The following ROBO1 variants were observed in gnomAD, a reference collection of about 807,000 sequenced individuals.
ROBO1 encodes roundabout homolog 1.
In ROBO1, 149 loss-of-function variants were observed where a neutral mutation model predicts 195.9. That is an observed-to-expected ratio of 0.76 (90% CI 0.67 to 0.87). The LOEUF is 0.87. Ranked by LOEUF, ROBO1 falls within the 40% of genes least tolerant of loss-of-function variation. The probability of loss-of-function intolerance (pLI) is 0.00; values close to 1 mark genes in which losing one functional copy is unlikely to be tolerated. For missense variants in ROBO1, 1,933 were observed against 2,068.3 expected (o/e 0.93, Z 1.27); for synonymous variants, 816 against 733.2 (o/e 1.11, Z -1.82).
intron 4 of ROBO1, among the ~76,000 whole-genome samples, chr3:78,875,883 A>G (rs2107197966): frequency 1.3e-5 from 2 of 152,246 alleles, no homozygotes; most frequent in East Asian, 3.9e-4. Context: ...AATCTGTACA[A>G]TTTAAAATCT....
rs191267954 is a variant in ROBO1 at position 79,156,081 on chromosome 3, G to A, written c.89-30542C>T. 2.9e-4 allele frequency among the ~76,000 whole-genome samples: 44 copies of A among 151,740 alleles called. No individual in the cohort carries two copies. In the East Asian group the frequency reaches 7.8e-3, roughly 27 times the overall value. On this transcript the variant is annotated intron_variant, in intron 2 of 30. Transcript: ENST00000464233. Reference sequence around the variant, plus strand: ...GGTCGTTCACTCCTAAACACCCTTAGTCCTAGCCATGCTATTCATACTTCA... The same window carrying A: ...GGTCGTTCACTCCTAAACACCCTTAATCCTAGCCATGCTATTCATACTTCA...
chr3:79,510,407 C>A (rs1407651376), intron 2 of ROBO1, among the ~76,000 whole-genome samples: 1 of 152,160 alleles, frequency 6.6e-6, no homozygotes, highest in African/African-American at 2.4e-5. Context: ...TCAATTAAAC[C>A]TCTGTTCTTT....
At chr3:79,051,855 C>G (rs1048304671) in intron 3 of ROBO1, among the ~76,000 whole-genome samples, 1 of 152,146 alleles carries the variant, frequency 6.6e-6, no homozygotes, top group African/African-American at 2.4e-5. Flanking sequence ...CTTCCCCAAT[C>G]AATACTCTTA....
chr3:79,271,554 T>C (rs890693648), intron 2 of ROBO1, among the ~76,000 whole-genome samples: 2 of 152,056 alleles, frequency 1.3e-5, no homozygotes, highest in African/African-American at 4.8e-5. Flanking sequence ...TTTAGCCATA[T>C]GCTTTCTTCC....
intron 2 of ROBO1, among the ~76,000 whole-genome samples, chr3:79,287,639 C>T (rs754317040): frequency 2.6e-5 from 4 of 152,062 alleles, no homozygotes; most frequent in Admixed American, 2.0e-4. Context: ...TCCATATTAA[C>T]GTATATTATT....
intron 4 of ROBO1, among the ~76,000 whole-genome samples, chr3:78,794,291 C>G (rs529940899): frequency 6.6e-6 from 1 of 152,206 alleles, no homozygotes; most frequent in South Asian, 2.1e-4. Flanking sequence ...CATTGGATTA[C>G]TATGAGAATC....
At position 79,677,413 on chromosome 3, in the gene ROBO1, G is replaced by A. The variant is rs1266862677; in HGVS notation, c.-50-87452C>T. On this transcript the variant is annotated intron_variant, in intron 1 of 30. Transcript: ENST00000464233. ...GGGAAGCCTCACAATCATGGTGGAA[G>A]GCAAGGAGGAGAAAGGCACATCGTA... Among the ~76,000 whole-genome samples, 3 of 152,066 alleles carry A rather than the reference G, an allele frequency of 2.0e-5. No individual in the cohort carries two copies. In the South Asian group the frequency reaches 6.2e-4, roughly 32 times the overall value.
At chr3:79,473,514 GAAAT>G (rs1938392884) in intron 2 of ROBO1, among the ~76,000 whole-genome samples, 1 of 152,042 alleles carries the variant, frequency 6.6e-6, no homozygotes, top group Non-Finnish European at 1.5e-5. Context: ...AAAACTCGGA[GAAAT>G]AATACCCGCT....
At chr3:78,697,768 T>G (rs933524804) in intron 8 of ROBO1, among the ~76,000 whole-genome samples, 1 of 152,168 alleles carries the variant, frequency 6.6e-6, no homozygotes, top group African/African-American at 2.4e-5. Context: ...AAGCATTTAA[T>G]TTTTAAAAAA....
chr3:79,766,597 A>G (rs953939424), intron 1 of ROBO1, among the ~76,000 whole-genome samples: 5 of 151,630 alleles, frequency 3.3e-5, no homozygotes, highest in African/African-American at 4.8e-5. Flanking sequence ...GCGGCAGCCC[A>G]GGCTGCAGCA....
chr3:79,636,498 G>A (rs1560058509), intron 1 of ROBO1, among the ~76,000 whole-genome samples: 1 of 152,020 alleles, frequency 6.6e-6, no homozygotes, highest in Non-Finnish European at 1.5e-5. Context: ...ATCCCTAGAG[G>A]CTGTCACAAT....
intron 4 of ROBO1, among the ~76,000 whole-genome samples, chr3:78,899,222 A>T (rs928329367): frequency 3.3e-5 from 5 of 152,208 alleles, no homozygotes; most frequent in Admixed American, 6.5e-5. Context: ...TAAATAAGTA[A>T]GTGCATTTTG....
intron 2 of ROBO1, among the ~76,000 whole-genome samples, chr3:79,215,738 C>A (rs1306633666): frequency 6.6e-6 from 1 of 152,210 alleles, no homozygotes; most frequent in East Asian, 1.9e-4. Context: ...TCCATTCTTT[C>A]TGCCTGTTTT....
intron 8 of ROBO1, among the ~76,000 whole-genome samples, chr3:78,703,022 T>A (rs901750862): frequency 3.9e-5 from 6 of 152,208 alleles, no homozygotes; most frequent in African/African-American, 1.2e-4. Flanking sequence ...TTTGATTAAT[T>A]TTTATGATTT....
At chr3:79,481,170 G>A (rs529259321) in intron 2 of ROBO1, among the ~76,000 whole-genome samples, 5 of 152,176 alleles carry the variant, frequency 3.3e-5, no homozygotes, top group South Asian at 2.1e-4. Context: ...GCCTTGCAAC[G>A]AAAATGCCAA....
intron 4 of ROBO1, among the ~76,000 whole-genome samples, chr3:78,904,694 ATGTATATATG>A (rs995051132): frequency 5.0e-5 from 7 of 139,334 alleles, no homozygotes; most frequent in African/African-American, 2.2e-4. Flanking sequence ...ACGTATACAT[ATGTATATATG>A]TATATATATA....
chr3:79,510,294 G>A (rs376399422), intron 2 of ROBO1, among the ~76,000 whole-genome samples: 40 of 152,218 alleles, frequency 2.6e-4, no homozygotes, highest in African/African-American at 9.4e-4. Flanking sequence ...GTATTATGAG[G>A]GGCTTTGCCC....
intron 2 of ROBO1, among the ~76,000 whole-genome samples, chr3:79,413,400 G>T (rs2037861895): frequency 6.6e-6 from 1 of 152,008 alleles, no homozygotes; most frequent in African/African-American, 2.4e-5. Context: ...GTAAGCTCAA[G>T]AGCCAAACAG....
intron 2 of ROBO1, among the ~76,000 whole-genome samples, chr3:79,554,253 A>C (rs1286140404): frequency 2.0e-5 from 3 of 152,048 alleles, no homozygotes; most frequent in Admixed American, 2.0e-4. Flanking sequence ...GGGACCCAGA[A>C]AAGGGAATAA....
Sources: allele counts gnomAD v4.1 joint callset (sites outside exome capture counted in the v4.1 genomes callset), GRCh38; gene constraint gnomAD v4.1.1; transcripts MANE v1.5; gene names NCBI Gene and HGNC (gene_info 2026-07-23, HGNC 2026-07-21).